UBE2U: variants seen among roughly 807,000 people sequenced by gnomAD.
UBE2U encodes ubiquitin conjugating enzyme E2 U, also known as ubiquitin-conjugating enzyme E2 U.
UBE2U carries 39 observed loss-of-function variants against 41.2 expected under a neutral mutation model. That is an observed-to-expected ratio of 0.95 (90% CI 0.73 to 1.24). The LOEUF is 1.24. UBE2U is among the 50% of genes most tolerant of loss of function. The pLI, the probability that UBE2U is intolerant of heterozygous loss-of-function variation, is 0.00. For synonymous variants in UBE2U, 107 were observed against 117.8 expected (o/e 0.91, Z 0.60); for missense variants, 336 against 363.1 (o/e 0.93, Z 0.61).
At position 64,219,482 on chromosome 1, in the gene UBE2U, T is replaced by G. The variant is rs114231031; in HGVS notation, c.458-1377T>G. ...TCTAATCATTCAGTTCTGGAAAACT[T>G]TCTTATGTGATATCTTTTATAATTT... On this transcript the variant is annotated intron_variant, in intron 5 of 9. Coordinates refer to ENST00000371077, the MANE Select transcript of UBE2U (RefSeq NM_001366232.2). 8.2e-3 allele frequency among the ~76,000 whole-genome samples: 1,241 copies of G among 152,228 alleles called. 13 individuals are homozygous for G. Among genetic ancestry groups the G allele is most frequent in the African/African-American group, 0.029 (1,198 of 41,546 alleles).
At chr1:64,262,241 C>T (rs943748842) in intron 9 of UBE2U, among the ~76,000 whole-genome samples, 2 of 152,202 alleles carry the variant, frequency 1.3e-5, no homozygotes, top group African/African-American at 4.8e-5. Flanking sequence ...GTTATCATAG[C>T]ACTTCTACCA....
chr1:64,226,338 C>T (rs533224872), intron 6 of UBE2U, among the ~76,000 whole-genome samples: 19 of 152,054 alleles, frequency 1.2e-4, no homozygotes, highest in Admixed American at 2.0e-4. Context: ...CAGATTAATC[C>T]GATCGGTGAT....
intron 6 of UBE2U, among the ~76,000 whole-genome samples, chr1:64,227,133 T>C (rs778397431): frequency 1.3e-5 from 2 of 152,146 alleles, no homozygotes; most frequent in Non-Finnish European, 2.9e-5. Flanking sequence ...ATTTCAGTAA[T>C]AGGAATCTAC....
At position 64,211,218 on chromosome 1, in the gene UBE2U, G is replaced by A. The variant is rs374361375; in HGVS notation, c.339+379G>A. ...TTATGGACCTTGCCTTCCTGAGAGA[G>A]GTGGATCGAATGACTACAACTTAAA... On this transcript the variant is annotated intron_variant, in intron 4 of 9. Transcript: ENST00000371077. Among the ~76,000 whole-genome samples the A allele has an allele frequency of 2.7e-4, 41 of 152,256 alleles. 4 individuals carry two copies. In the South Asian group the frequency reaches 5.0e-3, roughly 18 times the overall value.
chr1:64,239,900 G>A (rs749221984), intron 7 of UBE2U, among the ~76,000 whole-genome samples: 1 of 152,084 alleles, frequency 6.6e-6, no homozygotes, highest in African/African-American at 2.4e-5. Context: ...TGGGATGGCT[G>A]GGTCAAGTGG....
intron 9 of UBE2U, among the ~76,000 whole-genome samples, chr1:64,265,359 G>C (rs747976408): frequency 6.6e-6 from 1 of 152,156 alleles, no homozygotes; most frequent in Non-Finnish European, 1.5e-5. Flanking sequence ...GAGTCAGAAA[G>C]GCCCAAGCAT....
In UBE2U at chr1:64,232,558, C is replaced by G. The variant is rs1267462582; in HGVS notation, c.507-3C>G. 1.2e-6 allele frequency: 2 copies of G among 1,606,456 alleles called. No individual in the cohort carries two copies. The highest frequency in any genetic ancestry group is 1.7e-6 in the Non-Finnish European group (2 of 1,176,334). ...ATCGTCTGATTTTTATTTATATTTT[C>G]AGACCAATTAAAACAACCTCATTTA... On this transcript the variant is annotated splice_region_variant and splice_polypyrimidine_tract_variant and intron_variant, in intron 6 of 9. Transcript: ENST00000371077.
intron 5 of UBE2U, 67 bp downstream of exon 5, chr1:64,214,999 C>G (rs825174): frequency 0.61 from 785,744 of 1,280,850 alleles, 246,496 homozygotes; most frequent in African/African-American, 0.92. Context: ...TTGGGAGGCT[C>G]AGGTGGGTGG....
intron 6 of UBE2U, among the ~76,000 whole-genome samples, chr1:64,228,090 G>T (rs556404236): frequency 6.6e-6 from 1 of 151,900 alleles, no homozygotes. Flanking sequence ...ATATCTAAAA[G>T]CACAAAGGAC....
chr1:64,237,348 G>A (rs1644688039), intron 7 of UBE2U, among the ~76,000 whole-genome samples: 1 of 148,386 alleles, frequency 6.7e-6, no homozygotes, highest in Non-Finnish European at 1.5e-5. Flanking sequence ...TGCCCTGGAA[G>A]CTGCAGAAGG....
At chr1:64,256,474 A>G (rs1645093149) in intron 8 of UBE2U, among the ~76,000 whole-genome samples, 1 of 152,150 alleles carries the variant, frequency 6.6e-6, no homozygotes, top group Non-Finnish European at 1.5e-5. Flanking sequence ...ACACACCTAC[A>G]ACTGTCTGAT....
chr1:64,222,543 C>A (rs1028217938), intron 6 of UBE2U, among the ~76,000 whole-genome samples: 1 of 152,102 alleles, frequency 6.6e-6, no homozygotes, highest in Admixed American at 6.5e-5. Context: ...CTAGAGAAGC[C>A]TTTAGGTAAT....
At chr1:64,239,099 G>GAAGAAGAAGAAGAAGAAGAAGGAAGA (rs1644741420) in intron 7 of UBE2U, among the ~76,000 whole-genome samples, 2 of 5,998 alleles carry the variant, frequency 3.3e-4, no homozygotes, top group African/African-American at 1.6e-3. Flanking sequence ...AGAGGAAGAA[G>GAAGAAGAAGAAGAAGAAGAAGGAAGA]AAGAAGAAGA....
chr1:64,254,040 A>G (rs1645053413), intron 8 of UBE2U, among the ~76,000 whole-genome samples: 1 of 152,212 alleles, frequency 6.6e-6, no homozygotes, highest in East Asian at 1.9e-4. Context: ...ACGGATACAC[A>G]TAGGCTCAAA....
chr1:64,223,098 A>AT (rs1282963373), intron 6 of UBE2U, among the ~76,000 whole-genome samples: 1 of 152,180 alleles, frequency 6.6e-6, no homozygotes, highest in African/African-American at 2.4e-5. Flanking sequence ...TACTGTAGTC[A>AT]TCCACGTACT....
Position 64,204,138 on chromosome 1 carries a change from A to G in UBE2U, c.66+22A>G, listed in dbSNP as rs111287486. On this transcript the variant is annotated intron_variant, in intron 1 of 9. Transcript: ENST00000371077. ...TAAGGTAAGTACTGGGCACGTGGAG[A>G]GATGTGTTTCATTGTGCAATAATTT... 54 of 1,603,770 alleles carry G rather than the reference A, an allele frequency of 3.4e-5. No homozygotes were observed. The African/African-American group carries it at 5.5e-4, about 16-fold the overall frequency.
chr1:64,223,423 C>G (rs773865070), intron 6 of UBE2U, among the ~76,000 whole-genome samples: 1 of 152,084 alleles, frequency 6.6e-6, no homozygotes, highest in Non-Finnish European at 1.5e-5. Flanking sequence ...GTATCAAGAT[C>G]GTGGCTAAGG....
At chr1:64,249,261 C>T (rs1194782878) in intron 8 of UBE2U, among the ~76,000 whole-genome samples, 1 of 151,454 alleles carries the variant, frequency 6.6e-6, no homozygotes, top group Non-Finnish European at 1.5e-5. Flanking sequence ...ACCTGTAATC[C>T]TAGCTACTCA....
intron 6 of UBE2U, among the ~76,000 whole-genome samples, chr1:64,229,503 C>T (rs1194065952): frequency 1.3e-5 from 2 of 152,210 alleles, no homozygotes; most frequent in East Asian, 3.9e-4. Flanking sequence ...GGGAAACAGA[C>T]CTGGAGAGGT....
Sources: gnomAD v4.1 joint callset for allele counts (sites outside exome capture counted in the v4.1 genomes callset) on GRCh38, gnomAD v4.1.1 for gene constraint, MANE v1.5 for transcripts, NCBI Gene and HGNC (gene_info 2026-07-23, HGNC 2026-07-21) for gene names.